Variants in PTPRK observed in about 807,000 individuals in gnomAD.
The protein encoded by PTPRK is receptor-type tyrosine-protein phosphatase kappa.
PTPRK carries 75 observed loss-of-function variants against 178.0 expected under a neutral mutation model. The observed-to-expected ratio is 0.42, with a 90% CI of 0.35 to 0.51. The LOEUF (loss-of-function observed/expected upper bound fraction) is 0.51, where lower values mean the gene tolerates loss of function less well. Among genes scored for constraint, PTPRK ranks in the 20% least tolerant of loss-of-function variants. The pLI, the probability that PTPRK is intolerant of heterozygous loss-of-function variation, is 0.02. For missense variants in PTPRK, 1,441 were observed against 1,797.8 expected (o/e 0.80, Z 3.59); for synonymous variants, 637 against 620.6 (o/e 1.03, Z -0.39).
At chr6:128,355,206 C>A (rs935092613) in intron 2 of PTPRK, among the ~76,000 whole-genome samples, 1 of 152,162 alleles carries the variant, frequency 6.6e-6, no homozygotes, top group Non-Finnish European at 1.5e-5. Context: ...CTTACACTTA[C>A]ATGCAGAACA....
chr6:128,168,175 A>G (rs1799687458), intron 7 of PTPRK, among the ~76,000 whole-genome samples: 1 of 152,098 alleles, frequency 6.6e-6, no homozygotes, highest in Non-Finnish European at 1.5e-5. Context: ...ATCTTGTGAC[A>G]TCTCCCAAAT....
chr6:128,353,127 T>C (rs759166775), intron 2 of PTPRK, among the ~76,000 whole-genome samples: 1 of 152,196 alleles, frequency 6.6e-6, no homozygotes, highest in African/African-American at 2.4e-5. Context: ...TGAAAACATA[T>C]TTGATATTAT....
intron 2 of PTPRK, among the ~76,000 whole-genome samples, chr6:128,354,487 G>C (rs137858137): frequency 0.037 from 5,624 of 151,768 alleles, 370 homozygotes; most frequent in African/African-American, 0.13. Context: ...TGCCCGCCTC[G>C]GCCTCCCAAA....
chr6:127,970,191 T>A lies in PTPRK; in HGVS notation c.*36A>T. The stretch of plus-strand genomic sequence containing the variant: ...GCTGCTGGCTCAATAGATGGACAGG[T>A]TTCTTCATGGATGCACTTTAAAGAG... On this transcript the variant is annotated 3_prime_UTR_variant, in exon 30 of 30. Transcript: ENST00000368226. 2 of 1,545,250 alleles carry A rather than the reference T, an allele frequency of 1.3e-6. No homozygotes were observed. The highest frequency in any genetic ancestry group is 1.1e-5 in the South Asian group (1 of 87,182).
intron 7 of PTPRK, among the ~76,000 whole-genome samples, chr6:128,097,642 T>C (rs1290945664): frequency 6.6e-6 from 1 of 152,184 alleles, no homozygotes; most frequent in East Asian, 1.9e-4. Flanking sequence ...TATTAGACTG[T>C]TGAAAAATAT....
intron 9 of PTPRK, among the ~76,000 whole-genome samples, chr6:128,083,333 T>G (rs748141603): frequency 6.6e-6 from 1 of 152,038 alleles, no homozygotes; most frequent in Non-Finnish European, 1.5e-5. Context: ...CTGAAACAAC[T>G]GAAATTCAAT....
chr6:128,092,102 T>G (rs530182644), intron 7 of PTPRK, among the ~76,000 whole-genome samples: 1 of 152,312 alleles, frequency 6.6e-6, no homozygotes, highest in African/African-American at 2.4e-5. Context: ...GCTTTATTAG[T>G]CCTACACAAT....
intron 16 of PTPRK, 102 bp from the exon 17 acceptor site, chr6:127,997,090 A>C (rs1190199170): frequency 4.2e-6 from 5 of 1,183,532 alleles, no homozygotes; most frequent in South Asian, 1.4e-5. Flanking sequence ...TTTCTCAGAG[A>C]GGAAAGCAGT....
At position 128,306,873 on chromosome 6, in the gene PTPRK, A is replaced by G. The variant is rs545111685; in HGVS notation, c.495+15166T>C. On this transcript the variant is annotated intron_variant, in intron 3 of 29. Transcript: ENST00000368226. ...ACTAATATGGTGTCAGCTGCACATG[A>G]TCTGTGTGGGGAAAACAGAAATTCA... Among the ~76,000 whole-genome samples the G allele has an allele frequency of 7.9e-5, 12 of 152,252 alleles. No individual in the cohort carries two copies. The South Asian group carries it at 2.1e-3, about 26-fold the overall frequency.
At chr6:128,215,398 C>T (rs1481713918) in intron 6 of PTPRK, among the ~76,000 whole-genome samples, 1 of 152,150 alleles carries the variant, frequency 6.6e-6, no homozygotes, top group East Asian at 1.9e-4. Flanking sequence ...ACTACTTCGA[C>T]TTGTATTTCA....
intron 1 of PTPRK, among the ~76,000 whole-genome samples, chr6:128,433,320 C>T (rs576318030): frequency 6.6e-6 from 1 of 152,110 alleles, no homozygotes; most frequent in Admixed American, 6.6e-5. Flanking sequence ...TCATTCTACT[C>T]TCTACTTCCA....
chr6:128,365,906 T>C (rs1015717740), intron 2 of PTPRK, among the ~76,000 whole-genome samples: 3 of 152,156 alleles, frequency 2.0e-5, no homozygotes, highest in African/African-American at 7.2e-5. Flanking sequence ...ATGGATCTAA[T>C]ACTTGTGACA....
intron 1 of PTPRK, among the ~76,000 whole-genome samples, chr6:128,453,529 T>A (rs1369134555): frequency 6.6e-6 from 1 of 152,200 alleles, no homozygotes; most frequent in African/African-American, 2.4e-5. Context: ...ATTTTTTGGT[T>A]GCCTTTGGAG....
At chr6:128,378,726 T>C (rs1837457468) in intron 2 of PTPRK, among the ~76,000 whole-genome samples, 2 of 152,136 alleles carry the variant, frequency 1.3e-5, no homozygotes, top group South Asian at 4.1e-4. Flanking sequence ...GCCATATAAC[T>C]GAAAATATAT....
chr6:128,494,319 T>C (rs983692168), intron 1 of PTPRK, among the ~76,000 whole-genome samples: 8 of 151,968 alleles, frequency 5.3e-5, no homozygotes, highest in Non-Finnish European at 8.8e-5. Flanking sequence ...TTTAAAGATA[T>C]AATGATTTAG....
intron 11 of PTPRK, among the ~76,000 whole-genome samples, chr6:128,071,225 A>C (rs1025936254): frequency 6.6e-6 from 1 of 151,942 alleles, no homozygotes; most frequent in Non-Finnish European, 1.5e-5. Flanking sequence ...CAAGTTTGAT[A>C]CAGTTTAAAA....
chr6:128,275,510 A>G (rs1820588107), intron 3 of PTPRK, among the ~76,000 whole-genome samples: 1 of 152,066 alleles, frequency 6.6e-6, no homozygotes, highest in African/African-American at 2.4e-5. Context: ...TAAAGAAAAA[A>G]GAGCTAATCA....
At chr6:128,154,098 A>G (rs1467882028) in intron 7 of PTPRK, among the ~76,000 whole-genome samples, 1 of 151,864 alleles carries the variant, frequency 6.6e-6, no homozygotes, top group Non-Finnish European at 1.5e-5. Flanking sequence ...GAAAAAGCTA[A>G]GACAGGTTTA....
At chr6:128,291,071 C>G (rs1174512421) in intron 3 of PTPRK, among the ~76,000 whole-genome samples, 1 of 152,032 alleles carries the variant, frequency 6.6e-6, no homozygotes, top group Non-Finnish European at 1.5e-5. Flanking sequence ...GGTTACCAGT[C>G]AGGTGACCTT....
Sources: gnomAD v4.1 joint callset for allele counts (sites outside exome capture counted in the v4.1 genomes callset) on GRCh38, gnomAD v4.1.1 for gene constraint, MANE v1.5 for transcripts, NCBI Gene and HGNC (gene_info 2026-07-23, HGNC 2026-07-21) for gene names.